SCFD2: variants seen among roughly 807,000 people sequenced by gnomAD.
The protein encoded by SCFD2 is sec1 family domain-containing protein 2.
SCFD2 carries 54 observed loss-of-function variants against 58.9 expected under a neutral mutation model. The ratio of observed to expected loss-of-function variants is 0.92; its 90% CI spans 0.74 to 1.15. The LOEUF is 1.15. Ranked by LOEUF, SCFD2 falls within the 50% of genes most tolerant of loss-of-function variation. The pLI is 0.00. For synonymous variants in SCFD2, 321 were observed against 335.9 expected (o/e 0.96, Z 0.49); for missense variants, 805 against 836.6 (o/e 0.96, Z 0.47).
chr4:53,117,072 T>C (rs1011697072), intron 5 of SCFD2, among the ~76,000 whole-genome samples: 21 of 152,194 alleles, frequency 1.4e-4, no homozygotes, highest in African/African-American at 4.6e-4. Flanking sequence ...GGAGTGCTTC[T>C]CATTTTCTAC....
At chr4:52,964,735 C>A (rs1720923485) in intron 5 of SCFD2, among the ~76,000 whole-genome samples, 1 of 149,156 alleles carries the variant, frequency 6.7e-6, no homozygotes, top group South Asian at 2.2e-4. Flanking sequence ...CAGAAGCGAT[C>A]CTTGAATCTT....
intron 2 of SCFD2, among the ~76,000 whole-genome samples, chr4:53,338,575 CTT>C (rs56263068): frequency 2.1e-4 from 15 of 72,314 alleles, no homozygotes; most frequent in African/African-American, 5.6e-4. Context: ...GTATATTTTT[CTT>C]TTTTTTTTTT....
At chr4:52,962,679 G>GC (rs1349037802) in intron 5 of SCFD2, among the ~76,000 whole-genome samples, 2 of 151,846 alleles carry the variant, frequency 1.3e-5, no homozygotes, top group Non-Finnish European at 2.9e-5. Flanking sequence ...TTAGAGGGGG[G>GC]CAGCATTACT....
chr4:53,350,912 G>A (rs1366668950), intron 2 of SCFD2, among the ~76,000 whole-genome samples: 3 of 152,052 alleles, frequency 2.0e-5, no homozygotes, highest in South Asian at 2.1e-4. Context: ...GTTTCACCAC[G>A]TTGGCCATGT....
At chr4:53,250,158 C>G (rs578090102) in intron 4 of SCFD2, among the ~76,000 whole-genome samples, 1 of 152,108 alleles carries the variant, frequency 6.6e-6, no homozygotes, top group Non-Finnish European at 1.5e-5. Flanking sequence ...ACCCTAGTCT[C>G]GGATAAAACA....
At chr4:53,273,359 A>G (rs1337435921) in intron 4 of SCFD2, among the ~76,000 whole-genome samples, 1 of 152,242 alleles carries the variant, frequency 6.6e-6, no homozygotes, top group Admixed American at 6.5e-5. Context: ...AAATATCTGT[A>G]TAAACACTAC....
intron 5 of SCFD2, among the ~76,000 whole-genome samples, chr4:53,108,038 C>A (rs1189316583): frequency 3.3e-5 from 5 of 152,210 alleles, no homozygotes; most frequent in African/African-American, 4.8e-5. Flanking sequence ...GACCACAGTG[C>A]AATCAAACTA....
intron 6 of SCFD2, among the ~76,000 whole-genome samples, chr4:52,919,246 A>C (rs888736519): frequency 6.6e-6 from 1 of 152,006 alleles, no homozygotes; most frequent in East Asian, 1.9e-4. Flanking sequence ...TTAGTGGTTT[A>C]TTTTCTCTTT....
At chr4:53,137,104 T>C (rs60967961) in intron 5 of SCFD2, among the ~76,000 whole-genome samples, 1,742 of 152,340 alleles carry the variant, frequency 0.011, 44 homozygotes, top group African/African-American at 0.04. Flanking sequence ...ACAGAATCCT[T>C]ACTTTGTTTA....
intron 5 of SCFD2, among the ~76,000 whole-genome samples, chr4:52,972,526 A>G (rs1721132799): frequency 6.6e-6 from 1 of 152,210 alleles, no homozygotes; most frequent in Non-Finnish European, 1.5e-5. Context: ...GCGAGTCCTT[A>G]GAGACCTACA....
At chr4:53,243,386 A>G (rs1187839266) in intron 4 of SCFD2, among the ~76,000 whole-genome samples, 1 of 152,208 alleles carries the variant, frequency 6.6e-6, no homozygotes, top group Non-Finnish European at 1.5e-5. Flanking sequence ...ACTAAGCTTT[A>G]TAAGCAAAGA....
rs775359691 is a variant in SCFD2, at chr4:53,313,742, T to C, written c.1029A>G (p.Leu343=). 34 of 1,614,010 alleles carry C rather than the reference T, an allele frequency of 2.1e-5. No homozygotes were observed. Among genetic ancestry groups the C allele is most frequent in the Middle Eastern group, 1.6e-4 (1 of 6,062 alleles). The part of the protein sequence containing the change: ...SQSSDTTAKA[L]WEALLNTKHK... ...GCTTAGTGTTCAGTAAAGCTTCCCA[T>C]AGGGCTTTGGCTGTGGTGTCACTGC... The change falls in exon 3 of 9, where the codon CTA becomes CTG. Residue 343 remains leucine, a synonymous_variant. Transcript: ENST00000401642.
chr4:52,930,465 C>A (rs548771690), intron 5 of SCFD2, among the ~76,000 whole-genome samples: 1 of 152,116 alleles, frequency 6.6e-6, no homozygotes, highest in East Asian at 1.9e-4. Flanking sequence ...GATTTCATGA[C>A]AAAAATATCA....
intron 2 of SCFD2, among the ~76,000 whole-genome samples, chr4:53,333,821 A>G (rs1209360924): frequency 7.3e-5 from 10 of 136,908 alleles, no homozygotes; most frequent in East Asian, 2.1e-4. Context: ...GCAACCTACA[A>G]AATGGGAGAA....
At chr4:53,197,655 A>G (rs1404836971) in intron 4 of SCFD2, among the ~76,000 whole-genome samples, 2 of 149,670 alleles carry the variant, frequency 1.3e-5, no homozygotes, top group Non-Finnish European at 3.0e-5. Flanking sequence ...TGAAAGAACT[A>G]TTTATTGAAT....
chr4:52,907,658 TGCAATGAAGAAA>T (rs1719380090), intron 6 of SCFD2, 67 bp from the exon 7 acceptor site: 1 of 1,510,424 alleles, frequency 6.6e-7, no homozygotes, highest in Non-Finnish European at 9.2e-7. Flanking sequence ...CAGCTTTATC[TGCAATGAAGAAA>T]GCAAAGCAAG....
rs79732345 is a variant in SCFD2, at chr4:52,951,369, T to C, written c.1562-30499A>G. ...CTAAATCTAATGCAACATGGTAAGG[T>C]CTATAACCAACATGCATACTACATT... On this transcript the variant is annotated intron_variant, in intron 5 of 8. Coordinates refer to ENST00000401642, the MANE Select transcript of SCFD2 (RefSeq NM_152540.4). Among the ~76,000 whole-genome samples, 104 of 152,246 alleles carry C rather than the reference T, an allele frequency of 6.8e-4. 2 individuals are homozygous for C. In the East Asian group the frequency reaches 0.016, roughly 24 times the overall value.
Position 53,209,943 on chromosome 4 carries a change from A to G in SCFD2, c.1311+63883T>C, listed in dbSNP as rs150554678. Reference sequence around the variant, plus strand: ...ATTTTACACATTGTAAGTTAAAAAAAAGTTGATGTATGTATGAATCTTTCT... The same window carrying G: ...ATTTTACACATTGTAAGTTAAAAAAGAGTTGATGTATGTATGAATCTTTCT... On this transcript the variant is annotated intron_variant, in intron 4 of 8. Coordinates refer to ENST00000401642, the MANE Select transcript of SCFD2 (RefSeq NM_152540.4). 3.3e-3 allele frequency among the ~76,000 whole-genome samples: 498 copies of G among 152,252 alleles called. 4 individuals carry two copies. Among genetic ancestry groups the G allele is most frequent in the African/African-American group, 8.8e-3 (365 of 41,490 alleles).
chr4:53,345,777 G>T (rs1370009960), intron 2 of SCFD2, among the ~76,000 whole-genome samples: 3 of 152,116 alleles, frequency 2.0e-5, no homozygotes, highest in Non-Finnish European at 2.9e-5. Flanking sequence ...ATAAAAAAGG[G>T]TGAGTTCATG....
Sources: gnomAD v4.1 joint callset for allele counts (sites outside exome capture counted in the v4.1 genomes callset) on GRCh38, gnomAD v4.1.1 for gene constraint, MANE v1.5 for transcripts, NCBI Gene and HGNC (gene_info 2026-07-23, HGNC 2026-07-21) for gene names.